SCFD2: variants seen among roughly 807,000 people sequenced by gnomAD.
SCFD2 encodes sec1 family domain containing 2.
Under a neutral mutation model 58.9 loss-of-function variants are expected in SCFD2, and 54 were observed. The observed-to-expected ratio is 0.92, with a 90% CI of 0.74 to 1.15. SCFD2 has a LOEUF of 1.15. Ranked by LOEUF, SCFD2 falls within the 50% of genes most tolerant of loss-of-function variation. The pLI is 0.00. For synonymous variants in SCFD2, 321 were observed against 335.9 expected (o/e 0.96, Z 0.49); for missense variants, 805 against 836.6 (o/e 0.96, Z 0.47).
chr4:53,106,679 A>G (rs543734742), intron 5 of SCFD2, among the ~76,000 whole-genome samples: 13 of 152,260 alleles, frequency 8.5e-5, no homozygotes, highest in Non-Finnish European at 1.3e-4. Flanking sequence ...AGAGAATGAA[A>G]ACAAACAAAC....
intron 4 of SCFD2, among the ~76,000 whole-genome samples, chr4:53,166,862 T>G (rs1301214958): frequency 6.7e-6 from 1 of 149,216 alleles, no homozygotes; most frequent in Non-Finnish European, 1.5e-5. Flanking sequence ...CTCCACATAC[T>G]GAATTCTTTG....
chr4:53,096,977 T>C (rs1190930072), intron 5 of SCFD2, among the ~76,000 whole-genome samples: 2 of 152,246 alleles, frequency 1.3e-5, no homozygotes, highest in Non-Finnish European at 2.9e-5. Flanking sequence ...AGGGAATCCT[T>C]TCCTCATTTC....
At chr4:53,270,194 A>G (rs1299628151) in intron 4 of SCFD2, among the ~76,000 whole-genome samples, 1 of 152,166 alleles carries the variant, frequency 6.6e-6, no homozygotes, top group Non-Finnish European at 1.5e-5. Flanking sequence ...CAGGAATGCA[A>G]TGAAGATTAT....
At chr4:52,892,028 T>G (rs752042876) in intron 7 of SCFD2, among the ~76,000 whole-genome samples, 6 of 152,222 alleles carry the variant, frequency 3.9e-5, no homozygotes, top group Non-Finnish European at 5.9e-5. Context: ...CACATGCCAG[T>G]GTCCCCAGAT....
chr4:52,999,199 G>A (rs933269425), intron 5 of SCFD2, among the ~76,000 whole-genome samples: 1 of 152,170 alleles, frequency 6.6e-6, no homozygotes, highest in African/African-American at 2.4e-5. Context: ...TTAGCACCCT[G>A]ATTGCCTATA....
intron 5 of SCFD2, among the ~76,000 whole-genome samples, chr4:53,028,585 GTGCTTCTTATTCAATAGAGATGGAA>G (rs1722539142): frequency 6.6e-6 from 1 of 151,736 alleles, no homozygotes; most frequent in South Asian, 2.1e-4. Context: ...ATTCAATAGA[GTGCTTCTTATTCAATAGAGATGGAA>G]TGCTTCTTAT....
intron 6 of SCFD2, among the ~76,000 whole-genome samples, chr4:52,908,933 C>T (rs1386834007): frequency 2.0e-5 from 3 of 152,076 alleles, no homozygotes; most frequent in Admixed American, 6.6e-5. Context: ...ACAGAAACAC[C>T]GGTCAGACAG....
intron 4 of SCFD2, among the ~76,000 whole-genome samples, chr4:53,180,843 T>C (rs1426418415): frequency 6.6e-6 from 1 of 152,178 alleles, no homozygotes; most frequent in Non-Finnish European, 1.5e-5. Context: ...CCCACAGAAA[T>C]ACAAACTACC....
intron 5 of SCFD2, among the ~76,000 whole-genome samples, chr4:53,019,116 T>G (rs1164481893): frequency 6.6e-6 from 1 of 152,168 alleles, no homozygotes; most frequent in Non-Finnish European, 1.5e-5. Flanking sequence ...ACCTTTGACC[T>G]AGTAATTCCA....
intron 4 of SCFD2, among the ~76,000 whole-genome samples, chr4:53,235,563 G>A (rs938207347): frequency 2.0e-5 from 3 of 152,108 alleles, no homozygotes; most frequent in Non-Finnish European, 2.9e-5. Context: ...GTCAATAAAC[G>A]AGAAGTAAAT....
chr4:52,909,758 G>C (rs1339162470), intron 6 of SCFD2, among the ~76,000 whole-genome samples: 1 of 152,072 alleles, frequency 6.6e-6, no homozygotes, highest in Non-Finnish European at 1.5e-5. Context: ...GTTATCTCTA[G>C]GTTCAGGAAG....
intron 5 of SCFD2, among the ~76,000 whole-genome samples, chr4:52,929,243 A>AGATTCATCTGGAGGTAGGTAGG (rs1480377115): frequency 6.6e-6 from 1 of 152,226 alleles, no homozygotes; most frequent in African/African-American, 2.4e-5. Flanking sequence ...GTAGGTAAGC[A>AGATTCATCTGGAGGTAGGTAGG]AAGTGCCAGG....
chr4:53,165,248 G>A (rs1726971165), intron 4 of SCFD2, among the ~76,000 whole-genome samples: 1 of 152,212 alleles, frequency 6.6e-6, no homozygotes. Context: ...AACTGTTTGA[G>A]TTTGAGTGGG....
chr4:53,336,764 C>G (rs1733697775), intron 2 of SCFD2, among the ~76,000 whole-genome samples: 4 of 152,276 alleles, frequency 2.6e-5, no homozygotes, highest in East Asian at 3.9e-4. Flanking sequence ...ATCCTCCTGT[C>G]TTGGCCTCCC....
intron 5 of SCFD2, among the ~76,000 whole-genome samples, chr4:53,022,778 T>A (rs1360327181): frequency 2.6e-5 from 4 of 152,160 alleles, no homozygotes; most frequent in Non-Finnish European, 5.9e-5. Flanking sequence ...AAGAGTTAAG[T>A]TTTTTTCTTA....
At chr4:53,203,100 G>A (rs1454018987) in intron 4 of SCFD2, among the ~76,000 whole-genome samples, 1 of 152,174 alleles carries the variant, frequency 6.6e-6, no homozygotes, top group South Asian at 2.1e-4. Context: ...TCCCTGTCTT[G>A]TGCCAGTTTT....
chr4:53,365,550 G>C lies in SCFD2; in HGVS notation c.392C>G (p.Pro131Arg). ...CTTCTCCTCCAGCTGCTCGAACACCGGCTGCTGCCCCTCCATCTCGGCCGC... is the reference window on the plus strand; with the variant it reads ...CTTCTCCTCCAGCTGCTCGAACACCCGCTGCTGCCCCTCCATCTCGGCCGC... ...AAAAEMEGQQPVFEQLEEKLC... is the reference protein window; with the variant it reads ...AAAAEMEGQQRVFEQLEEKLC... The change falls in exon 1 of 9, where the codon CCG (proline) becomes CGG (arginine). Residue 131 changes from proline (P) to arginine (R), a missense_variant. Transcript: ENST00000401642. This position sits in a 1 kb window ranked among gnomAD's most constrained non-coding sequence, Gnocchi z 4.3. The C allele has an allele frequency of 6.2e-7, 1 of 1,614,074 alleles. No homozygotes were observed. The highest frequency in any genetic ancestry group is 8.5e-7 in the Non-Finnish European group (1 of 1,180,018).
At chr4:53,087,069 G>A (rs1013282264) in intron 5 of SCFD2, among the ~76,000 whole-genome samples, 3 of 152,054 alleles carry the variant, frequency 2.0e-5, no homozygotes, top group African/African-American at 7.2e-5. Context: ...TTGAGGAGAG[G>A]AATATCCCAT....
intron 5 of SCFD2, among the ~76,000 whole-genome samples, chr4:53,029,042 T>C (rs1725928211): frequency 6.6e-6 from 1 of 152,232 alleles, no homozygotes; most frequent in Admixed American, 6.5e-5. Context: ...TCCATTCCAG[T>C]ACAAAGAAGG....
Sources: gnomAD v4.1 joint callset for allele counts (sites outside exome capture counted in the v4.1 genomes callset) on GRCh38, gnomAD v4.1.1 for gene constraint, Gnocchi (gnomAD v3.1) non-coding constraint, MANE v1.5 for transcripts, NCBI Gene and HGNC (gene_info 2026-07-23, HGNC 2026-07-21) for gene names.